Variants in IQGAP3 observed in about 807,000 individuals in gnomAD.
IQGAP3 encodes the protein IQ motif containing GTPase activating protein 3, also known as ras GTPase-activating-like protein IQGAP3.
In IQGAP3, 165 loss-of-function variants were observed where a neutral mutation model predicts 208.2. The observed-to-expected ratio is 0.79, with a 90% CI of 0.70 to 0.90. The LOEUF (loss-of-function observed/expected upper bound fraction) is 0.90. Ranked by LOEUF, IQGAP3 falls within the 40% of genes least tolerant of loss-of-function variation. IQGAP3 has a pLI of 0.00. For synonymous variants in IQGAP3, 703 were observed against 803.6 expected (o/e 0.87, Z 2.12); for missense variants, 1,811 against 2,043.1 (o/e 0.89, Z 2.19).
Position 156,562,668 on chromosome 1 carries a change from G to A in IQGAP3, c.799-3C>T, listed in dbSNP as rs1177997120. Reference sequence around the variant, plus strand: ...ATGTCCTGGCTTTCTCTGTCATCCTGCAAAAACTCCATTGAAAGGGAACCT... The same window carrying A: ...ATGTCCTGGCTTTCTCTGTCATCCTACAAAAACTCCATTGAAAGGGAACCT... On this transcript the variant is annotated splice_region_variant and splice_polypyrimidine_tract_variant and intron_variant, in intron 8 of 37. Transcript: ENST00000361170. 3.1e-6 allele frequency: 5 copies of A among 1,612,958 alleles called. No homozygotes were observed. Among genetic ancestry groups the A allele is most frequent in the South Asian group, 1.1e-5 (1 of 91,056 alleles).
Position 156,566,388 on chromosome 1 carries a change from A to G in IQGAP3, c.282+2T>C. On this transcript the variant is annotated splice_donor_variant, in intron 3 of 37. Coordinates refer to ENST00000361170, the MANE Select transcript of IQGAP3 (RefSeq NM_178229.5). LOFTEE classifies it high-confidence loss of function. ...GTAGAAGGTGGGGTCCAATCCTCCC[A>G]CCTGGTACCGCAGCTGCTCCACATC... The G allele has an allele frequency of 1.2e-6, 2 of 1,613,938 alleles. No homozygotes were observed. The highest frequency in any genetic ancestry group is 1.7e-6 in the Non-Finnish European group (2 of 1,179,852).
chr1:156,537,264 T>A lies in IQGAP3; in HGVS notation c.3339A>T (p.Arg1113Ser). The A allele has an allele frequency of 1.2e-6, 2 of 1,613,742 alleles. No individual in the cohort carries two copies. Among genetic ancestry groups the A allele is most frequent in the South Asian group, 2.2e-5 (2 of 91,052 alleles). The change falls in exon 27 of 38, where the codon AGA (arginine) becomes AGT (serine). Residue 1113 changes from arginine to serine, a missense_variant. Coordinates refer to ENST00000361170, the MANE Select transcript of IQGAP3 (RefSeq NM_178229.5). ...GGTTGCGTAGGGCGATGTCCAGTCG[T>A]CTCTGGACCTCGGGGTGGCTCAAGG... ...EQALSHPEVQ[R>S]RLDIALRNLL...
In IQGAP3 at chr1:156,563,104, C is replaced by T. The variant is rs116579771; in HGVS notation, c.798+30G>A. On this transcript the variant is annotated intron_variant, in intron 8 of 37. Transcript: ENST00000361170. ...GAGACTTTCCAGCCACTCAACTTTT[C>T]GGTCCCTGCAACCCAAGACTACTCC... 2.1e-3 allele frequency: 3,183 copies of T among 1,531,032 alleles called. 40 individuals carry two copies. The African/African-American group carries it at 0.034, about 17-fold the overall frequency. The allele number at this position is 1,531,032 out of a possible 1,614,324, so 94.8% of individuals were successfully genotyped here.
At position 156,529,086 on chromosome 1, in the gene IQGAP3, G is replaced by C. The variant is rs771864676; in HGVS notation, c.4405-4C>G. On this transcript the variant is annotated splice_region_variant and splice_polypyrimidine_tract_variant and intron_variant, in intron 34 of 37. Transcript: ENST00000361170. ...GTCTGTGCTGGTTGCGGATGTCCTG[G>C]GGTTGGGGAACAGATGGAGGGATGA... 3.1e-6 allele frequency: 5 copies of C among 1,613,794 alleles called. No individual in the cohort carries two copies. The highest frequency in any genetic ancestry group is 3.4e-6 in the Non-Finnish European group (4 of 1,179,832).
At chr1:156,529,305 T>G (rs1196226070) in intron 34 of IQGAP3, among the ~76,000 whole-genome samples, 1 of 152,236 alleles carries the variant, frequency 6.6e-6, no homozygotes, top group East Asian at 1.9e-4. Context: ...GGCTGTTTGT[T>G]TTTTAGTAAA....
At chr1:156,536,680 C>T (rs987823482) in intron 27 of IQGAP3, among the ~76,000 whole-genome samples, 3 of 152,128 alleles carry the variant, frequency 2.0e-5, no homozygotes, top group African/African-American at 4.8e-5. Flanking sequence ...ATGCTAATTA[C>T]CCTGATTTGA....
chr1:156,531,956 G>C (rs529150744), intron 32 of IQGAP3, among the ~76,000 whole-genome samples: 1 of 152,108 alleles, frequency 6.6e-6, no homozygotes, highest in East Asian at 1.9e-4. Flanking sequence ...TGCCTTGTTG[G>C]CAGGAGCTTG....
At chr1:156,551,325 G>C (rs1284711552) in intron 15 of IQGAP3, among the ~76,000 whole-genome samples, 2 of 152,194 alleles carry the variant, frequency 1.3e-5, no homozygotes, top group Non-Finnish European at 2.9e-5. Context: ...TTCAGGTTCA[G>C]AACCCTGCCC....
At position 156,554,351 on chromosome 1, in the gene IQGAP3, G is replaced by C. The variant is rs370248624; in HGVS notation, c.1332C>G (p.Leu444=). 31 of 1,613,126 alleles carry C rather than the reference G, an allele frequency of 1.9e-5. 1 individual carries two copies. In the African/African-American group the frequency reaches 2.8e-4, roughly 15 times the overall value. ...QEELFVAVEM[L]SAVVLINRAL... is the part of the protein sequence containing the mutation. ...CCCGGTTAATCAGGACCACAGCTGA[G>C]AGCATCTCCACAGCCACGAAGAGCT... The change falls in exon 13 of 38, where the codon CTC becomes CTG. Residue 444 remains leucine (L), a synonymous_variant. Coordinates refer to ENST00000361170, the MANE Select transcript of IQGAP3 (RefSeq NM_178229.5).
Position 156,538,975 on chromosome 1 carries a change from C to A in IQGAP3, c.3115G>T (p.Val1039Leu), listed in dbSNP as rs758462173. Residue 1039 changes from valine to leucine, a missense_variant, in exon 26 of 38, where the codon GTG becomes TTG. By Grantham distance (32) the Val-to-Leu change is conservative. Transcript: ENST00000361170. ...VTGNPTVVRL[V>L]VRFYRNGRGQ... Reference sequence around the variant, plus strand: ...CGCCCATTACGGTAGAATCTCACCACCAGCCTCACCACTGTTGGGTTGCCT... The same window carrying A: ...CGCCCATTACGGTAGAATCTCACCAACAGCCTCACCACTGTTGGGTTGCCT... 1.9e-6 allele frequency: 3 copies of A among 1,614,208 alleles called. No homozygotes were observed. Among genetic ancestry groups the A allele is most frequent in the Non-Finnish European group, 2.5e-6 (3 of 1,180,030 alleles).
At chr1:156,561,268 A>T (rs1417390972) in intron 10 of IQGAP3, among the ~76,000 whole-genome samples, 1 of 151,910 alleles carries the variant, frequency 6.6e-6, no homozygotes, top group African/African-American at 2.4e-5. Flanking sequence ...TCCCGGGTTC[A>T]AGCGATTCTC....
At chr1:156,540,127 C>A in intron 23 of IQGAP3, 137 bp from the exon 24 acceptor site, 1 of 962,604 alleles carries the variant, frequency 1.0e-6, no homozygotes, top group Admixed American at 2.3e-5. Flanking sequence ...GGGACAGAAG[C>A]AGTTCTAGGG....
rs1214210397 is a variant in IQGAP3, at chr1:156,537,326, G to A, written c.3282-5C>T. ...GTGACATCATATGGGAGATGGCTATGAGCAGAGAGAGACAAGGTGTAAGCA... is the reference window on the plus strand; with the variant it reads ...GTGACATCATATGGGAGATGGCTATAAGCAGAGAGAGACAAGGTGTAAGCA... On this transcript the variant is annotated splice_polypyrimidine_tract_variant and splice_region_variant and intron_variant, in intron 26 of 37. Transcript: ENST00000361170. 2 of 1,609,336 alleles carry A rather than the reference G, an allele frequency of 1.2e-6. No homozygotes were observed. The highest frequency in any genetic ancestry group is 1.3e-5 in the African/African-American group (1 of 74,882).
At chr1:156,527,057 T>G (rs1197722257) in intron 37 of IQGAP3, among the ~76,000 whole-genome samples, 1 of 151,072 alleles carries the variant, frequency 6.6e-6, no homozygotes, top group South Asian at 2.1e-4. Context: ...GGTCTTGAAC[T>G]GCTGACCTCG....
rs201066805 is a variant in IQGAP3 at position 156,528,924 on chromosome 1, G to A, written c.4563C>T (p.Pro1521=). 4.0e-5 allele frequency: 65 copies of A among 1,614,150 alleles called. No individual in the cohort carries two copies. Among genetic ancestry groups the A allele is most frequent in the South Asian group, 2.5e-4 (23 of 91,082 alleles). ...YIRACLDHLA[P]DSKSSGKGKK... The stretch of plus-strand genomic sequence containing the variant: ...GGGAAAGCAGCACCTACTTGGAGTC[G>A]GGGGCCAGGTGGTCCAGGCAGGCCC... Residue 1521 remains proline (P), a synonymous_variant, in exon 35 of 38, where the codon CCC becomes CCT. Coordinates refer to ENST00000361170, the MANE Select transcript of IQGAP3 (RefSeq NM_178229.5).
intron 19 of IQGAP3, among the ~76,000 whole-genome samples, chr1:156,547,358 AACACACAG>A (rs1309626492): frequency 1.2e-4 from 18 of 145,482 alleles, no homozygotes; most frequent in African/African-American, 3.6e-4. Context: ...TGTCTTACTA[AACACACAG>A]ACACACAGAC....
chr1:156,549,766 A>G (rs1223263198), intron 16 of IQGAP3, among the ~76,000 whole-genome samples: 1 of 152,230 alleles, frequency 6.6e-6, no homozygotes, highest in Non-Finnish European at 1.5e-5. Context: ...ACAGATGGAC[A>G]GGGAGACCCC....
intron 15 of IQGAP3, among the ~76,000 whole-genome samples, chr1:156,550,569 C>G (rs1362553273): frequency 6.6e-6 from 1 of 152,170 alleles, no homozygotes; most frequent in East Asian, 1.9e-4. Flanking sequence ...ATTGGGCTTT[C>G]AGGTCTACTC....
At chr1:156,550,449 T>C (rs1014044980) in intron 15 of IQGAP3, 98 bp from the exon 16 acceptor site, 25 of 810,704 alleles carry the variant, frequency 3.1e-5, no homozygotes, top group Non-Finnish European at 5.0e-5. Context: ...CAGGCAGGCA[T>C]TGGGAGCCAC....
Sources: gnomAD v4.1 joint callset for allele counts (sites outside exome capture counted in the v4.1 genomes callset) on GRCh38, gnomAD v4.1.1 for gene constraint, MANE v1.5 for transcripts, NCBI Gene and HGNC (gene_info 2026-07-23, HGNC 2026-07-21) for gene names.